The following TOM1L2 variants were observed in gnomAD, a reference collection of about 807,000 sequenced individuals.
The protein encoded by TOM1L2 is target of myb1 like 2 membrane trafficking protein, also known as TOM1-like protein 2.
A neutral mutation model predicts 67.9 loss-of-function variants in TOM1L2; 31 were observed. That is an observed-to-expected ratio of 0.46 (90% CI 0.34 to 0.62). The LOEUF (loss-of-function observed/expected upper bound fraction) is 0.62. Ranked by LOEUF, TOM1L2 falls within the 20% of genes least tolerant of loss-of-function variation. TOM1L2 has a pLI of 0.01. For synonymous variants in TOM1L2, 256 were observed against 254.0 expected, an observed-to-expected ratio of 1.01 and a Z score of -0.07; for missense variants, 606 against 663.5, an observed-to-expected ratio of 0.91 and a Z score of 0.95.
At chr17:17,931,277 C>T (rs889921914) in intron 1 of TOM1L2, among the ~76,000 whole-genome samples, 2 of 152,168 alleles carry the variant, frequency 1.3e-5, no homozygotes, top group African/African-American at 4.8e-5. Flanking sequence ...CAAAAGAGGT[C>T]TCATTCTACC....
At chr17:17,944,095 G>A (rs1031487323) in intron 1 of TOM1L2, among the ~76,000 whole-genome samples, 3 of 152,220 alleles carry the variant, frequency 2.0e-5, no homozygotes, top group African/African-American at 7.2e-5. Flanking sequence ...TCTAGGGCAG[G>A]GAGAGGCAGC....
chr17:17,903,990 G>GATTATTATT lies in TOM1L2; in HGVS notation c.137+3448_137+3456dup, dbSNP rs58881326. On this transcript the variant is annotated intron_variant, in intron 2 of 14. Coordinates refer to ENST00000379504, the MANE Select transcript of TOM1L2 (RefSeq NM_001082968.2). ...TGGGAGTTTCTTTCACTCAGGAAGA[G>GATTATTATT]ATTATTATTATTATTATTATTTTTA... Among the ~76,000 whole-genome samples, 981 of 151,464 alleles carry GATTATTATT rather than the reference G, an allele frequency of 6.5e-3. 18 individuals are homozygous for GATTATTATT. Among genetic ancestry groups the GATTATTATT allele is most frequent in the African/African-American group, 0.023 (925 of 41,008 alleles).
At chr17:17,863,613 G>A (rs1230751195) in intron 10 of TOM1L2, among the ~76,000 whole-genome samples, 3 of 146,042 alleles carry the variant, frequency 2.1e-5, no homozygotes, top group African/African-American at 7.6e-5. Context: ...CTCTTGGCAT[G>A]ATCATGGCTC....
intron 1 of TOM1L2, among the ~76,000 whole-genome samples, chr17:17,921,473 G>GT (rs1312203204): frequency 6.6e-6 from 1 of 152,178 alleles, no homozygotes; most frequent in East Asian, 1.9e-4. Context: ...TAACTTACGT[G>GT]TGAGTCAGTG....
At chr17:17,851,769 C>A (rs1013941596) in intron 12 of TOM1L2, among the ~76,000 whole-genome samples, 1 of 152,138 alleles carries the variant, frequency 6.6e-6, no homozygotes, top group African/African-American at 2.4e-5. Flanking sequence ...TCAAAGAAAC[C>A]AAGTTCAGCT....
intron 1 of TOM1L2, among the ~76,000 whole-genome samples, chr17:17,962,179 A>G (rs2041707074): frequency 6.6e-6 from 1 of 152,202 alleles, no homozygotes; most frequent in Non-Finnish European, 1.5e-5. Flanking sequence ...TTCCACTTAT[A>G]TGAGGTTCCT....
chr17:17,851,568 C>T (rs1230172907), intron 12 of TOM1L2, among the ~76,000 whole-genome samples: 1 of 152,166 alleles, frequency 6.6e-6, no homozygotes, highest in Non-Finnish European at 1.5e-5. Flanking sequence ...GCCTGGTAGA[C>T]AGAGGCAGGC....
rs149829211 is a variant in TOM1L2 at position 17,929,076 on chromosome 17, G to A, written c.53-21545C>T. Among the ~76,000 whole-genome samples, 1,299 of 152,276 alleles carry A rather than the reference G, an allele frequency of 8.5e-3. 22 individuals carry two copies. The highest frequency in any genetic ancestry group is 7.4e-3 in the Non-Finnish European group (503 of 68,006). ...ATTCCCCAAGCACTGCTGTGAGAAC[G>A]GGCCTTTCCTTGGCTACTTAAAAAT... On this transcript the variant is annotated intron_variant, in intron 1 of 14. Transcript: ENST00000379504.
chr17:17,938,274 G>A (rs367991496), intron 1 of TOM1L2, among the ~76,000 whole-genome samples: 27 of 152,332 alleles, frequency 1.8e-4, no homozygotes, highest in African/African-American at 6.0e-4. Flanking sequence ...ATACAAGTCT[G>A]GGCGGGTAGC....
chr17:17,923,187 C>T (rs1452664410), intron 1 of TOM1L2, among the ~76,000 whole-genome samples: 4 of 152,040 alleles, frequency 2.6e-5, no homozygotes, highest in South Asian at 2.1e-4. Context: ...CGCCTGAGAT[C>T]AAGAGTTCAA....
intron 1 of TOM1L2, among the ~76,000 whole-genome samples, chr17:17,963,976 T>C (rs1279485403): frequency 2.6e-5 from 4 of 152,172 alleles, no homozygotes; most frequent in African/African-American, 9.7e-5. Flanking sequence ...AAGAGCCAAA[T>C]GAATGATATG....
At chr17:17,925,293 A>C (rs1436568442) in intron 1 of TOM1L2, among the ~76,000 whole-genome samples, 1 of 152,198 alleles carries the variant, frequency 6.6e-6, no homozygotes, top group Non-Finnish European at 1.5e-5. Flanking sequence ...TTTTGTAATG[A>C]TGTAAGAAAA....
At chr17:17,936,132 C>G (rs1291705057) in intron 1 of TOM1L2, among the ~76,000 whole-genome samples, 1 of 152,250 alleles carries the variant, frequency 6.6e-6, no homozygotes. Context: ...CAGCCCATCT[C>G]TCTCCACCCT....
rs1471172897 is a variant in TOM1L2 at position 17,866,370 on chromosome 17, G to T, written c.1010C>A (p.Ser337Tyr). Reference protein sequence around the residue: ...EDNLIDLGPGSPAVVSPMVGN... With the variant: ...EDNLIDLGPGYPAVVSPMVGN... ...CACCATTGGGCTCACCACGGCTGGAGACCCTGGCCCCAGGTCTATTAAGTT... is the reference window on the plus strand; with the variant it reads ...CACCATTGGGCTCACCACGGCTGGATACCCTGGCCCCAGGTCTATTAAGTT... The change falls in exon 10 of 15, where the codon TCT becomes TAT. Residue 337 changes from serine to tyrosine, a missense_variant. By Grantham distance (144) the Ser-to-Tyr change is moderately radical. This residue lies in a region of TOM1L2 where 543 missense variants were observed against 554.0 expected (regional missense o/e 0.98). Coordinates refer to ENST00000379504, the MANE Select transcript of TOM1L2 (RefSeq NM_001082968.2). 1 of 1,609,544 alleles carries T rather than the reference G, an allele frequency of 6.2e-7. No individual in the cohort carries two copies. The highest frequency in any genetic ancestry group is 8.5e-7 in the Non-Finnish European group (1 of 1,177,800).
At chr17:17,917,985 G>A (rs1237482870) in intron 1 of TOM1L2, among the ~76,000 whole-genome samples, 1 of 152,056 alleles carries the variant, frequency 6.6e-6, no homozygotes, top group Non-Finnish European at 1.5e-5. Flanking sequence ...TATGAACACA[G>A]GATGTTTTTC....
At chr17:17,958,643 A>T (rs983306303) in intron 1 of TOM1L2, among the ~76,000 whole-genome samples, 3 of 152,224 alleles carry the variant, frequency 2.0e-5, no homozygotes, top group Non-Finnish European at 1.5e-5. Context: ...AAACTGAGTC[A>T]CTGTGGGACC....
In TOM1L2 at chr17:17,851,136, G is replaced by A. The variant is rs761643258; in HGVS notation, c.1279-184C>T. 201 of 619,046 alleles carry A rather than the reference G, an allele frequency of 3.2e-4. No individual in the cohort carries two copies. In the Middle Eastern group the frequency reaches 7.9e-3, roughly 24 times the overall value. 38.3% of individuals were successfully genotyped at this position (619,046 alleles called of 1,614,324 possible). ...AGGGCAGCCACGTGTGAGATGGCAGGTGAGGAAAGCAATGAGGTGCAAATG... is the reference window on the plus strand; with the variant it reads ...AGGGCAGCCACGTGTGAGATGGCAGATGAGGAAAGCAATGAGGTGCAAATG... On this transcript the variant is annotated intron_variant, in intron 12 of 14. Transcript: ENST00000379504.
chr17:17,881,278 C>T (rs181138363), intron 6 of TOM1L2, among the ~76,000 whole-genome samples: 303 of 152,242 alleles, frequency 2.0e-3, no homozygotes, highest in African/African-American at 7.1e-3. Context: ...TGGGCAGCCA[C>T]CCAGTAGACT....
intron 4 of TOM1L2, among the ~76,000 whole-genome samples, chr17:17,889,337 T>A (rs2038155792): frequency 6.6e-6 from 1 of 152,180 alleles, no homozygotes. Flanking sequence ...TGACCATGCC[T>A]GCGAATGGCA....
Sources: gnomAD v4.1 joint callset for allele counts (sites outside exome capture counted in the v4.1 genomes callset) on GRCh38, gnomAD v4.1.1 for gene constraint, gnomAD v4.1.1 regional missense constraint, MANE v1.5 for transcripts, NCBI Gene and HGNC (gene_info 2026-07-23, HGNC 2026-07-21) for gene names.